Variants in ALMS1 observed in about 807,000 individuals in gnomAD.
The protein encoded by ALMS1 is centrosome-associated protein ALMS1.
A neutral mutation model predicts 352.2 loss-of-function variants in ALMS1; 271 were observed. The ratio of observed to expected loss-of-function variants is 0.77; its 90% CI spans 0.70 to 0.85. The LOEUF is 0.85. ALMS1 is among the 40% of genes least tolerant of loss of function. The pLI, the probability that ALMS1 is intolerant of heterozygous loss-of-function variation, is 0.00. For synonymous variants in ALMS1, 1,865 were observed against 1,761.2 expected, an observed-to-expected ratio of 1.06 and a Z score of -1.48; for missense variants, 5,445 against 4,870.7, an observed-to-expected ratio of 1.12 and a Z score of -3.51.
intron 16 of ALMS1, among the ~76,000 whole-genome samples, chr2:73,577,857 G>A (rs1194628460): frequency 1.3e-5 from 2 of 152,168 alleles, no homozygotes; most frequent in South Asian, 2.1e-4. Context: ...TGTGTATTCT[G>A]TTGCTGTTTG....
At chr2:73,570,356 G>A (rs1674899551) in intron 15 of ALMS1, among the ~76,000 whole-genome samples, 1 of 152,136 alleles carries the variant, frequency 6.6e-6, no homozygotes, top group African/African-American at 2.4e-5. Flanking sequence ...GGAGAGATGA[G>A]ATTACCTAGA....
chr2:73,558,976 C>T lies in ALMS1; in HGVS notation c.10218C>T (p.Ser3406=), dbSNP rs754938453. 30 of 1,613,752 alleles carry T rather than the reference C, an allele frequency of 1.9e-5. No homozygotes were observed. In the African/African-American group the frequency reaches 3.1e-4, roughly 17 times the overall value. The stretch of plus-strand genomic sequence containing the variant: ...GTGTTAATTTCCCTTTCGTAGATTC[C>T]AGTGCTGCTGCTGCTGCAGAGCACT... ...KESLQKDTAD[S]SAAAAAEHSA... Residue 3406 remains serine, a synonymous_variant, in exon 15 of 23, where the codon TCC becomes TCT. Coordinates refer to ENST00000613296, the MANE Select transcript of ALMS1 (RefSeq NM_001378454.1).
At chr2:73,550,023 C>T (rs917519601) in intron 12 of ALMS1, among the ~76,000 whole-genome samples, 1 of 152,086 alleles carries the variant, frequency 6.6e-6, no homozygotes, top group Non-Finnish European at 1.5e-5. Context: ...CCACGCCTGG[C>T]TAATTTTTGT....
chr2:73,590,219 A>C (rs1675398390), intron 16 of ALMS1, among the ~76,000 whole-genome samples: 2 of 152,290 alleles, frequency 1.3e-5, no homozygotes, highest in East Asian at 3.9e-4. Context: ...AGAGTGACAT[A>C]CTTTAATAAG....
intron 10 of ALMS1, among the ~76,000 whole-genome samples, chr2:73,498,090 TA>T (rs1673146659): frequency 6.6e-6 from 1 of 152,068 alleles, no homozygotes; most frequent in Non-Finnish European, 1.5e-5. Context: ...GTGTCATGTC[TA>T]AAAAAAGTAC....
intron 9 of ALMS1, among the ~76,000 whole-genome samples, chr2:73,476,504 C>T (rs1672585952): frequency 6.6e-6 from 1 of 152,062 alleles, no homozygotes; most frequent in Admixed American, 6.6e-5. Flanking sequence ...ACACTGTTTA[C>T]ATTCCCACCA....
intron 10 of ALMS1, among the ~76,000 whole-genome samples, chr2:73,515,576 C>T (rs565622306): frequency 2.0e-5 from 3 of 151,946 alleles, no homozygotes; most frequent in East Asian, 1.9e-4. Context: ...AAATAAATAA[C>T]GAAAATTAGA....
chr2:73,411,923 C>A (rs192936952), intron 2 of ALMS1, among the ~76,000 whole-genome samples: 86 of 152,332 alleles, frequency 5.6e-4, no homozygotes, highest in Non-Finnish European at 1.0e-3. Context: ...TCATCACCAG[C>A]TACTTTACTA....
intron 9 of ALMS1, chr2:73,470,312 A>G (rs1672441537): frequency 6.6e-6 from 1 of 151,710 alleles, no homozygotes; most frequent in Non-Finnish European, 1.5e-5. Flanking sequence ...TCCTTTAAAA[A>G]TAGGCAATTA....
At position 73,584,753 on chromosome 2, in the gene ALMS1, T is replaced by G. The variant is rs9750915; in HGVS notation, c.11547+11329T>G. Among the ~76,000 whole-genome samples the G allele has an allele frequency of 3.9e-5, 6 of 151,912 alleles. No individual in the cohort carries two copies. The South Asian group carries it at 1.2e-3, about 31-fold the overall frequency. On this transcript the variant is annotated intron_variant, in intron 16 of 22. Coordinates refer to ENST00000613296, the MANE Select transcript of ALMS1 (RefSeq NM_001378454.1). ...TCACCTGAGCAGTATACACTGCACC[T>G]AATGTGTAGTCTTTTATTCCTCACC...
rs2103779398 is a variant in ALMS1, at chr2:73,450,082, A to C, written c.3555A>C (p.Pro1185=). The C allele has an allele frequency of 1.9e-6, 3 of 1,614,014 alleles. No individual in the cohort carries two copies. Among genetic ancestry groups the C allele is most frequent in the Middle Eastern group, 1.6e-4 (1 of 6,062 alleles). ...TGPGNQKTWI[P]RVLSTFYSQR... is the part of the protein sequence containing the mutation. ...CAGGTAACCAGAAGACTTGGATACC[A>C]AGAGTACTTTCTACCTTCTACTCAC... The change falls in exon 8 of 23, where the codon CCA becomes CCC. Residue 1185 remains proline, a synonymous_variant. Coordinates refer to ENST00000613296, the MANE Select transcript of ALMS1 (RefSeq NM_001378454.1).
At chr2:73,606,752 C>T (rs1409898947) in intron 21 of ALMS1, among the ~76,000 whole-genome samples, 4 of 152,152 alleles carry the variant, frequency 2.6e-5, no homozygotes, top group African/African-American at 9.7e-5. Flanking sequence ...GTTAGGGTCA[C>T]AGCTGGAGTT....
At chr2:73,462,466 T>C (rs1672226050) in intron 9 of ALMS1, among the ~76,000 whole-genome samples, 2 of 151,852 alleles carry the variant, frequency 1.3e-5, no homozygotes, top group South Asian at 4.2e-4. Context: ...GCGCTAAACA[T>C]GGAAAGGAAC....
Position 73,602,207 on chromosome 2 carries a change from C to A in ALMS1, c.12137C>A (p.Pro4046His), listed in dbSNP as rs751862434. 23 of 1,613,926 alleles carry A rather than the reference C, an allele frequency of 1.4e-5. No individual in the cohort carries two copies. The highest frequency in any genetic ancestry group is 1.9e-5 in the Non-Finnish European group (23 of 1,179,974). The change falls in exon 20 of 23, where the codon CCT becomes CAT. Residue 4046 changes from proline (P) to histidine (H), a missense_variant. Transcript: ENST00000613296. ...TLQESLQFHR[P>H]DFISRSGERI... ...TAGGAATCGCTTCAGTTTCACAGAC[C>A]TGACTTCATCTCCCGCTCTGGGGAG...
intron 10 of ALMS1, among the ~76,000 whole-genome samples, chr2:73,513,624 G>T (rs115300169): frequency 4.9e-4 from 74 of 152,228 alleles, no homozygotes; most frequent in Non-Finnish European, 6.8e-4. Flanking sequence ...ATCTCTCTGT[G>T]TAGGTATTTT....
chr2:73,419,144 C>G lies in ALMS1; in HGVS notation c.472C>G (p.Leu158Val). 6.2e-7 allele frequency: 1 copy of G among 1,613,966 alleles called. No homozygotes were observed. Among genetic ancestry groups the G allele is most frequent in the Non-Finnish European group, 8.5e-7 (1 of 1,179,900 alleles). ...CTAGAAAACAGAATCTTGGCATTGT[C>G]TTCCTCAAGAAATGGACTCTTCCCA... ...DDQKTESWHC[L>V]PQEMDSSQTL... The change falls in exon 3 of 23, where the codon CTT becomes GTT. Residue 158 changes from leucine (L) to valine (V), a missense_variant. Coordinates refer to ENST00000613296, the MANE Select transcript of ALMS1 (RefSeq NM_001378454.1).
intron 13 of ALMS1, among the ~76,000 whole-genome samples, chr2:73,554,703 A>G (rs1343043597): frequency 6.6e-6 from 1 of 152,138 alleles, no homozygotes; most frequent in Non-Finnish European, 1.5e-5. Flanking sequence ...ATTTAAAATC[A>G]GGTGTTACCC....
chr2:73,407,376 C>T (rs933920236), intron 1 of ALMS1, among the ~76,000 whole-genome samples: 13 of 152,102 alleles, frequency 8.5e-5, no homozygotes, highest in Non-Finnish European at 1.8e-4. Context: ...TGCCACATTG[C>T]GGATTAAGTT....
At chr2:73,535,373 T>C (rs1244296073) in intron 12 of ALMS1, among the ~76,000 whole-genome samples, 1 of 152,204 alleles carries the variant, frequency 6.6e-6, no homozygotes, top group Non-Finnish European at 1.5e-5. Context: ...TATTTTTGGT[T>C]TTGGTTTTTG....
Sources: gnomAD v4.1 joint callset for allele counts (sites outside exome capture counted in the v4.1 genomes callset) on GRCh38, gnomAD v4.1.1 for gene constraint, MANE v1.5 for transcripts, NCBI Gene and HGNC (gene_info 2026-07-23, HGNC 2026-07-21) for gene names.